PIBF1: variants seen among roughly 807,000 people sequenced by gnomAD.
PIBF1 encodes progesterone-induced-blocking factor 1.
In PIBF1, 90 loss-of-function variants were observed where a neutral mutation model predicts 112.5. That is an observed-to-expected ratio of 0.80 (90% CI 0.67 to 0.95). The LOEUF is 0.95. PIBF1 is among the 40% of genes least tolerant of loss of function. The probability of loss-of-function intolerance (pLI) is 0.00; values close to 1 mark genes in which losing one functional copy is unlikely to be tolerated. For missense variants in PIBF1, 915 were observed against 852.3 expected (o/e 1.07, Z -0.92); for synonymous variants, 301 against 288.6 (o/e 1.04, Z -0.44).
At chr13:72,822,353 C>CA (rs1012617569) in intron 6 of PIBF1, among the ~76,000 whole-genome samples, 45 of 147,504 alleles carry the variant, frequency 3.1e-4, no homozygotes, top group East Asian at 9.9e-4. Flanking sequence ...CACACTCTTT[C>CA]AAAAAAAAAA....
intron 14 of PIBF1, among the ~76,000 whole-genome samples, chr13:72,954,675 G>C (rs973186295): frequency 2.6e-5 from 4 of 152,210 alleles, no homozygotes. Flanking sequence ...GTGTGTTCTG[G>C]TGGCTGAGTC....
At chr13:72,939,221 G>A (rs2138807914) in intron 14 of PIBF1, among the ~76,000 whole-genome samples, 1 of 152,100 alleles carries the variant, frequency 6.6e-6, no homozygotes, top group African/African-American at 2.4e-5. Context: ...GGTTTTGTGG[G>A]TTTTTTATTG....
At chr13:73,011,014 A>G (rs2044187591) in intron 17 of PIBF1, among the ~76,000 whole-genome samples, 1 of 151,164 alleles carries the variant, frequency 6.6e-6, no homozygotes, top group Admixed American at 6.6e-5. Flanking sequence ...TTTAGTAGAG[A>G]AGGGTTTCAC....
chr13:72,793,118 CT>C (rs1376654012), intron 3 of PIBF1, among the ~76,000 whole-genome samples: 2 of 152,162 alleles, frequency 1.3e-5, no homozygotes, highest in Non-Finnish European at 2.9e-5. Flanking sequence ...TCATTGGTTT[CT>C]TCCTAAATGT....
At chr13:72,812,966 A>C (rs1224897923) in intron 5 of PIBF1, among the ~76,000 whole-genome samples, 1 of 152,166 alleles carries the variant, frequency 6.6e-6, no homozygotes, top group Admixed American at 6.5e-5. Context: ...AAAAGAAAGA[A>C]AAAAGAAAAG....
chr13:72,859,651 A>G (rs1008173000), intron 10 of PIBF1, among the ~76,000 whole-genome samples: 3 of 152,204 alleles, frequency 2.0e-5, no homozygotes, highest in Non-Finnish European at 4.4e-5. Context: ...AATAAATGTA[A>G]GATCATGCAG....
intron 10 of PIBF1, among the ~76,000 whole-genome samples, chr13:72,875,578 AC>A (rs2138457453): frequency 6.6e-6 from 1 of 152,220 alleles, no homozygotes; most frequent in South Asian, 2.1e-4. Flanking sequence ...AATTCCTGTT[AC>A]TCCATATCTT....
intron 4 of PIBF1, among the ~76,000 whole-genome samples, chr13:72,796,089 A>G (rs2035178193): frequency 6.6e-6 from 1 of 152,186 alleles, no homozygotes. Flanking sequence ...TATGGGCTGT[A>G]TCTATTAATA....
intron 9 of PIBF1, chr13:72,836,239 A>G (rs1257046817): frequency 2.8e-6 from 1 of 354,288 alleles, no homozygotes; most frequent in Non-Finnish European, 5.6e-6. Context: ...ATATTTTTAT[A>G]CCGTTATTAT....
intron 10 of PIBF1, among the ~76,000 whole-genome samples, chr13:72,876,687 A>G (rs1298444281): frequency 6.6e-6 from 1 of 152,178 alleles, no homozygotes; most frequent in Non-Finnish European, 1.5e-5. Context: ...GGGTGTTAAT[A>G]TAAATGTTAC....
At chr13:72,921,862 G>A (rs534095820) in intron 13 of PIBF1, among the ~76,000 whole-genome samples, 2 of 152,266 alleles carry the variant, frequency 1.3e-5, no homozygotes, top group South Asian at 2.1e-4. Flanking sequence ...GGAAAAGCCA[G>A]GGTTCTGAAA....
At chr13:72,972,940 T>C (rs1009027308) in intron 15 of PIBF1, among the ~76,000 whole-genome samples, 3 of 152,244 alleles carry the variant, frequency 2.0e-5, no homozygotes, top group African/African-American at 7.2e-5. Context: ...TGTCTTCTAG[T>C]ATCTTGTGTT....
At chr13:72,863,519 G>A (rs1014842612) in intron 10 of PIBF1, among the ~76,000 whole-genome samples, 8 of 151,666 alleles carry the variant, frequency 5.3e-5, no homozygotes, top group Middle Eastern at 3.2e-3. Context: ...TTATCCAGGC[G>A]TGGTGGTGGG....
intron 16 of PIBF1, among the ~76,000 whole-genome samples, chr13:72,984,120 T>C (rs1297487666): frequency 6.6e-6 from 1 of 152,138 alleles, no homozygotes; most frequent in Non-Finnish European, 1.5e-5. Context: ...TGACTTCAGG[T>C]CTGAAGAAAT....
At chr13:72,925,153 G>C (rs2041436976) in intron 13 of PIBF1, among the ~76,000 whole-genome samples, 2 of 152,200 alleles carry the variant, frequency 1.3e-5, no homozygotes, top group Admixed American at 6.5e-5. Flanking sequence ...GGTCAGATTT[G>C]AAAGTGAGTG....
intron 14 of PIBF1, among the ~76,000 whole-genome samples, chr13:72,951,429 A>G (rs2042292440): frequency 6.6e-6 from 1 of 152,226 alleles, no homozygotes; most frequent in African/African-American, 2.4e-5. Flanking sequence ...AGTTCCAAAT[A>G]AAGCAACTTT....
chr13:72,823,878 G>A (rs1021756601), intron 6 of PIBF1, among the ~76,000 whole-genome samples: 1 of 152,074 alleles, frequency 6.6e-6, no homozygotes, highest in Non-Finnish European at 1.5e-5. Context: ...TCTTAGTGGG[G>A]AATGCTATTT....
intron 12 of PIBF1, among the ~76,000 whole-genome samples, chr13:72,909,838 G>A (rs1430491966): frequency 6.6e-6 from 1 of 152,122 alleles, no homozygotes; most frequent in Non-Finnish European, 1.5e-5. Flanking sequence ...TGAGGGTACT[G>A]TGTTATAATC....
chr13:73,005,955 T>C (rs1392307234), intron 17 of PIBF1, among the ~76,000 whole-genome samples: 1 of 150,340 alleles, frequency 6.7e-6, no homozygotes, highest in East Asian at 2.0e-4. Flanking sequence ...AGTCTTGCTC[T>C]GTCGCCCAGG....
Sources: allele counts gnomAD v4.1 joint callset (sites outside exome capture counted in the v4.1 genomes callset), GRCh38; gene constraint gnomAD v4.1.1; transcripts MANE v1.5; gene names NCBI Gene and HGNC (gene_info 2026-07-23, HGNC 2026-07-21).